SETD3: variants seen among roughly 807,000 people sequenced by gnomAD.
SETD3 encodes actin-histidine N-methyltransferase.
A neutral mutation model predicts 63.0 loss-of-function variants in SETD3; 19 were observed. The observed-to-expected ratio is 0.30, with a 90% confidence interval of 0.21 to 0.44. The LOEUF is 0.44. Among genes scored for constraint, SETD3 ranks in the 20% least tolerant of loss-of-function variants. The pLI, the probability that SETD3 is intolerant of heterozygous loss-of-function variation, is 1.00. For missense variants in SETD3, 587 were observed against 728.5 expected, an observed-to-expected ratio of 0.81 and a Z score of 2.24; for synonymous variants, 286 against 264.1, an observed-to-expected ratio of 1.08 and a Z score of -0.80.
At chr14:99,423,438 A>T (rs1297852853) in intron 6 of SETD3, among the ~76,000 whole-genome samples, 2 of 151,978 alleles carry the variant, frequency 1.3e-5, no homozygotes, top group Non-Finnish European at 2.9e-5. Context: ...AACATAATTT[A>T]AAATCTCCAT....
At chr14:99,444,832 C>CTCAAAA (rs1894040177) in intron 6 of SETD3, among the ~76,000 whole-genome samples, 1 of 143,908 alleles carries the variant, frequency 6.9e-6, no homozygotes, top group Non-Finnish European at 1.5e-5. Context: ...TAGACTTTGT[C>CTCAAAA]TCAAAAAAAA....
In SETD3 at chr14:99,458,133, CGAT is replaced by C. The variant is rs1212257379; in HGVS notation, c.675+143_675+145del. ...TCATTGATATTTCTGTAAAAACAAA[CGAT>C]GAAATGTATTTTATATTTTCAATTT... On this transcript the variant is annotated intron_variant, in intron 6 of 12. Coordinates refer to ENST00000331768, the MANE Select transcript of SETD3 (RefSeq NM_032233.3). The C allele has an allele frequency of 8.3e-6, 8 of 967,426 alleles. No homozygotes were observed. In the East Asian group the frequency reaches 1.1e-4, roughly 13 times the overall value. 59.9% of individuals were successfully genotyped at this position (967,426 alleles called of 1,614,324 possible).
the SETD3 span, among the ~76,000 whole-genome samples, chr14:99,486,311 C>T: frequency 6.6e-6 from 1 of 152,148 alleles, no homozygotes; most frequent in Non-Finnish European, 1.5e-5. Context: ...GTGGGTAAAT[C>T]ATAAGTGCAT....
At chr14:99,407,329 A>G (rs536110268) in intron 8 of SETD3, among the ~76,000 whole-genome samples, 1 of 152,322 alleles carries the variant, frequency 6.6e-6, no homozygotes, top group South Asian at 2.1e-4. Flanking sequence ...ACAAGTTACA[A>G]GGAAACCCTC....
At chr14:99,415,473 C>A (rs1440647159) in intron 6 of SETD3, among the ~76,000 whole-genome samples, 2 of 152,168 alleles carry the variant, frequency 1.3e-5, no homozygotes, top group East Asian at 3.9e-4. Flanking sequence ...ACACAACTAT[C>A]CAAACATGGG....
chr14:99,458,531 G>A lies in SETD3; in HGVS notation c.423C>T (p.Pro141=), dbSNP rs145982994. The A allele has an allele frequency of 1.2e-3, 1,881 of 1,613,842 alleles. 11 individuals carry two copies. In the East Asian group the frequency reaches 0.013, roughly 11 times the overall value. Reference sequence around the variant, plus strand: ...GAAGGATTCGGTCTTGAGAATATAAGGGCCCTGAATTAACCCAGAAGTTAA... The same window carrying A: ...GAAGGATTCGGTCTTGAGAATATAAAGGCCCTGAATTAACCCAGAAGTTAA... ...VESAKNSVLG[P]LYSQDRILQA... The change falls in exon 6 of 13, where the codon CCC becomes CCT. Residue 141 remains proline, a synonymous_variant. Coordinates refer to ENST00000331768, the MANE Select transcript of SETD3 (RefSeq NM_032233.3).
At chr14:99,481,870 C>T (rs1322814005), upstream of SETD3, among the ~76,000 whole-genome samples, 2 of 152,372 alleles carry the variant, frequency 1.3e-5, no homozygotes, top group Admixed American at 1.3e-4. Flanking sequence ...CCAACCTTGG[C>T]TAGGCCTGAA....
At chr14:99,465,624 C>T (rs890082780) in intron 2 of SETD3, 79 bp downstream of exon 2, 15 of 1,132,356 alleles carry the variant, frequency 1.3e-5, no homozygotes, top group African/African-American at 6.2e-5. Flanking sequence ...GTCTGATGCA[C>T]GCGTCCCCAT....
chr14:99,462,097 T>C, intron 3 of SETD3, among the ~76,000 whole-genome samples: 1 of 152,190 alleles, frequency 6.6e-6, no homozygotes. Context: ...TGTGATGTTT[T>C]ATTTCTTAAA....
chr14:99,461,137 G>GCA, intron 4 of SETD3, 55 bp downstream of exon 4: 1 of 1,597,184 alleles, frequency 6.3e-7, no homozygotes, highest in South Asian at 1.1e-5. Context: ...GCCCTCTACA[G>GCA]CACACCACAG....
At position 99,399,741 on chromosome 14, in the gene SETD3, A is replaced by AATTTTTTTTTTTTTTT. The variant is rs1566869064; in HGVS notation, c.1338+357_1338+358insAAAAAAAAAAAAAAAT. 3.1e-5 allele frequency among the ~76,000 whole-genome samples: 4 copies of AATTTTTTTTTTTTTTT among 127,728 alleles called. 2 individuals are homozygous for AATTTTTTTTTTTTTTT. Among genetic ancestry groups the AATTTTTTTTTTTTTTT allele is most frequent in the Non-Finnish European group, 3.3e-5 (2 of 61,422 alleles). 83.8% of individuals were successfully genotyped at this position (127,728 alleles called of 152,430 possible). ...GAATTAACAAGAAATCTTTCATTAAATTTTTTTTTTTTTTTTTTTTTTTTT... is the reference window on the plus strand; with the variant it reads ...GAATTAACAAGAAATCTTTCATTAAAATTTTTTTTTTTTTTTTTTTTTTTTTTTTTTTTTTTTTTTT... On this transcript the variant is annotated intron_variant, in intron 12 of 12. Transcript: ENST00000331768.
chr14:99,414,056 C>G (rs1474652403), intron 6 of SETD3, 122 bp from the exon 7 acceptor site: 2 of 864,024 alleles, frequency 2.3e-6, no homozygotes, highest in Non-Finnish European at 1.9e-6. Flanking sequence ...ATGAAGCAGG[C>G]GGCGTCCAGC....
At chr14:99,426,130 C>T (rs1045534659) in intron 6 of SETD3, among the ~76,000 whole-genome samples, 4 of 152,228 alleles carry the variant, frequency 2.6e-5, no homozygotes, top group African/African-American at 4.8e-5. Flanking sequence ...GCCCCCCCAT[C>T]CACTTAGCCA....
Position 99,413,872 on chromosome 14 carries a change from C to A in SETD3, c.734+4G>T, listed in dbSNP as rs772752535. ...ACACAGACACACTCACAGCCCACAC[C>A]AACCTGTAGTCCTCGTAAGTGAAAG... On this transcript the variant is annotated splice_donor_region_variant and intron_variant, in intron 7 of 12. Coordinates refer to ENST00000331768, the MANE Select transcript of SETD3 (RefSeq NM_032233.3). The A allele has an allele frequency of 4.3e-6, 7 of 1,613,916 alleles. No homozygotes were observed. In the Admixed American group the frequency reaches 1.2e-4, roughly 27 times the overall value.
intron 6 of SETD3, among the ~76,000 whole-genome samples, chr14:99,415,351 C>T (rs143903672): frequency 2.6e-4 from 39 of 152,230 alleles, no homozygotes; most frequent in African/African-American, 8.7e-4. Context: ...TATTAAATGG[C>T]AGAAAAGATG....
chr14:99,404,100 CT>C, intron 11 of SETD3, 124 bp downstream of exon 11: 1 of 669,578 alleles, frequency 1.5e-6, no homozygotes, highest in Non-Finnish European at 2.5e-6. Context: ...AGTATTGTAT[CT>C]TCTCTCTTCC....
intron 11 of SETD3, among the ~76,000 whole-genome samples, chr14:99,400,572 C>A (rs1181218946): frequency 2.0e-5 from 3 of 152,170 alleles, no homozygotes; most frequent in Non-Finnish European, 4.4e-5. Context: ...TAAAGACAAT[C>A]TACAGCCATG....
chr14:99,455,498 T>C (rs1431884480), intron 6 of SETD3, among the ~76,000 whole-genome samples: 3 of 152,226 alleles, frequency 2.0e-5, no homozygotes, highest in Non-Finnish European at 4.4e-5. Context: ...ATGTGTTAAA[T>C]GCCAGTGACC....
chr14:99,404,364 C>A, intron 10 of SETD3, 54 bp from the exon 11 acceptor site: 2 of 1,504,858 alleles, frequency 1.3e-6, no homozygotes, highest in South Asian at 2.3e-5. Flanking sequence ...CCCACTTGCT[C>A]CAAACTGAGA....
Sources: allele counts gnomAD v4.1 joint callset (sites outside exome capture counted in the v4.1 genomes callset), GRCh38; gene constraint gnomAD v4.1.1; transcripts MANE v1.5; gene names NCBI Gene and HGNC (gene_info 2026-07-23, HGNC 2026-07-21).